GRIA4: variants seen among roughly 807,000 people sequenced by gnomAD.
GRIA4 encodes glutamate ionotropic receptor AMPA type subunit 4.
GRIA4 carries 34 observed loss-of-function variants against 104.0 expected under a neutral mutation model. The ratio of observed to expected loss-of-function variants is 0.33; its 90% CI spans 0.25 to 0.44. GRIA4 has a LOEUF of 0.44. GRIA4 is among the 20% of genes least tolerant of loss of function. The probability of loss-of-function intolerance (pLI) is 1.00; values close to 1 mark genes in which losing one functional copy is unlikely to be tolerated. For synonymous variants in GRIA4, 386 were observed against 381.9 expected, an observed-to-expected ratio of 1.01 and a Z score of -0.13; for missense variants, 750 against 1,096.5, an observed-to-expected ratio of 0.68 and a Z score of 4.46.
chr11:105,620,171 T>C (rs1360346435), intron 3 of GRIA4, among the ~76,000 whole-genome samples: 1 of 151,926 alleles, frequency 6.6e-6, no homozygotes, highest in Non-Finnish European at 1.5e-5. Context: ...TTATTTCTTA[T>C]GCCTCGTTTT....
intron 4 of GRIA4, among the ~76,000 whole-genome samples, chr11:105,809,580 C>T (rs540542936): frequency 1.1e-4 from 16 of 152,110 alleles, no homozygotes; most frequent in South Asian, 6.2e-4. Context: ...TATGCTGTCG[C>T]GTGATAGTGA....
At chr11:105,911,169 T>C (rs1234302977) in intron 10 of GRIA4, among the ~76,000 whole-genome samples, 1 of 152,106 alleles carries the variant, frequency 6.6e-6, no homozygotes, top group Admixed American at 6.6e-5. Context: ...AAGTACACAT[T>C]ATAGTTTATT....
intron 4 of GRIA4, among the ~76,000 whole-genome samples, chr11:105,755,335 A>G (rs1372933333): frequency 6.6e-6 from 1 of 152,168 alleles, no homozygotes; most frequent in Non-Finnish European, 1.5e-5. Context: ...CATGCCTTTT[A>G]TTCCCTCTAA....
Position 105,971,992 on chromosome 11 carries a change from T to C in GRIA4, c.2373T>C (p.Asp791=), listed in dbSNP as rs1412066771. 14 of 1,612,704 alleles carry C rather than the reference T, an allele frequency of 8.7e-6. No individual in the cohort carries two copies. The South Asian group carries it at 1.4e-4, about 16-fold the overall frequency. The part of the protein sequence containing the change: ...LDKLKNKWWY[D]KGECGPKDSG... ...AGCTGAAAAACAAATGGTGGTACGA[T>C]AAAGGTGAATGTGGACCCAAGGACT... is the stretch of plus-strand genomic sequence containing the variant. Residue 791 remains aspartate, a synonymous_variant, in exon 15 of 17, where the codon GAT becomes GAC. Transcript: ENST00000282499.
chr11:105,857,806 T>C (rs1170273462), intron 4 of GRIA4, among the ~76,000 whole-genome samples: 1 of 152,180 alleles, frequency 6.6e-6, no homozygotes, highest in African/African-American at 2.4e-5. Context: ...CTCTTTCTTT[T>C]CTAAATACTT....
intron 3 of GRIA4, chr11:105,612,645 T>C: frequency 2.0e-6 from 1 of 506,272 alleles, no homozygotes; most frequent in Non-Finnish European, 3.4e-6. Flanking sequence ...TTTCTTTTCT[T>C]TCTTCTCCTC....
At chr11:105,889,442 A>G (rs1165758896) in intron 6 of GRIA4, among the ~76,000 whole-genome samples, 1 of 152,172 alleles carries the variant, frequency 6.6e-6, no homozygotes, top group Non-Finnish European at 1.5e-5. Flanking sequence ...TATGGATTCT[A>G]TTGACTTATT....
chr11:105,831,750 G>A (rs1167142714), intron 4 of GRIA4, among the ~76,000 whole-genome samples: 1 of 151,996 alleles, frequency 6.6e-6, no homozygotes, highest in African/African-American at 2.4e-5. Flanking sequence ...AGATAGGGGA[G>A]CAAGTGGTGG....
intron 3 of GRIA4, among the ~76,000 whole-genome samples, chr11:105,640,390 G>A (rs974872251): frequency 7.3e-5 from 11 of 151,346 alleles, no homozygotes; most frequent in African/African-American, 1.7e-4. Context: ...TGAAAAATGC[G>A]GTTATAACAA....
chr11:105,646,967 A>G (rs1951547826), intron 3 of GRIA4, among the ~76,000 whole-genome samples: 1 of 152,224 alleles, frequency 6.6e-6, no homozygotes, highest in African/African-American at 2.4e-5. Context: ...AATAAATTAA[A>G]TGAAGGAGCT....
At chr11:105,817,862 A>C (rs757304215) in intron 4 of GRIA4, among the ~76,000 whole-genome samples, 2 of 152,154 alleles carry the variant, frequency 1.3e-5, no homozygotes, top group Non-Finnish European at 2.9e-5. Context: ...GCACGATGAA[A>C]AACAGCCAAA....
intron 3 of GRIA4, among the ~76,000 whole-genome samples, chr11:105,625,972 G>T (rs933463185): frequency 4.0e-5 from 6 of 151,874 alleles, no homozygotes; most frequent in Non-Finnish European, 8.8e-5. Context: ...AAATTCTGTG[G>T]GACTCTTTAC....
intron 3 of GRIA4, among the ~76,000 whole-genome samples, chr11:105,661,526 C>T (rs1287420889): frequency 6.6e-6 from 1 of 151,400 alleles, no homozygotes; most frequent in Non-Finnish European, 1.5e-5. Flanking sequence ...TAGATGAAAT[C>T]AAGAAATGCA....
chr11:105,924,251 T>C, intron 11 of GRIA4, 148 bp from the exon 12 acceptor site: 1 of 513,210 alleles, frequency 1.9e-6, no homozygotes, highest in Non-Finnish European at 3.5e-6. Context: ...CATGTTTGTG[T>C]CTATCACTAG....
At chr11:105,763,752 G>A (rs1472185401) in intron 4 of GRIA4, among the ~76,000 whole-genome samples, 1 of 152,156 alleles carries the variant, frequency 6.6e-6, no homozygotes, top group Non-Finnish European at 1.5e-5. Flanking sequence ...CATTTGGAAG[G>A]TAGATGAAAG....
At chr11:105,672,947 A>G (rs2135443081) in intron 3 of GRIA4, among the ~76,000 whole-genome samples, 1 of 152,246 alleles carries the variant, frequency 6.6e-6, no homozygotes, top group Middle Eastern at 3.4e-3. Flanking sequence ...AGAATATGAC[A>G]CATATTTCCT....
At chr11:105,624,742 T>C (rs2135285822) in intron 3 of GRIA4, among the ~76,000 whole-genome samples, 1 of 152,242 alleles carries the variant, frequency 6.6e-6, no homozygotes, top group African/African-American at 2.4e-5. Flanking sequence ...GCACGTCTCC[T>C]GCTTTCTTAA....
At position 105,980,593 on chromosome 11, in the gene GRIA4, A is replaced by T. The variant is rs112164434; in HGVS notation, c.*854A>T. The T allele has an allele frequency of 1.3e-5, 2 of 152,282 alleles. No homozygotes were observed. The highest frequency in any genetic ancestry group is 4.8e-5 in the African/African-American group (2 of 41,392). 9.4% of individuals were successfully genotyped at this position (152,282 alleles called of 1,614,324 possible). On this transcript the variant is annotated 3_prime_UTR_variant, in exon 17 of 17. Coordinates refer to ENST00000282499, the MANE Select transcript of GRIA4 (RefSeq NM_000829.4). Reference sequence around the variant, plus strand: ...GTTCAATCATCAGTCTGCGGTGTAGACTCGAAAGAGATGACAGGTCACTCA... The same window carrying T: ...GTTCAATCATCAGTCTGCGGTGTAGTCTCGAAAGAGATGACAGGTCACTCA...
intron 3 of GRIA4, among the ~76,000 whole-genome samples, chr11:105,712,760 A>C (rs959886266): frequency 6.6e-6 from 1 of 151,964 alleles, no homozygotes; most frequent in Admixed American, 6.6e-5. Flanking sequence ...TTGCCCATAA[A>C]TAAATCATTG....
Sources: allele counts gnomAD v4.1 joint callset (sites outside exome capture counted in the v4.1 genomes callset), GRCh38; gene constraint gnomAD v4.1.1; transcripts MANE v1.5; gene names NCBI Gene and HGNC (gene_info 2026-07-23, HGNC 2026-07-21).